The following CCNE1 variants were observed in gnomAD, a reference collection of about 807,000 sequenced individuals.
CCNE1 encodes the protein cyclin E1.
CCNE1 carries 8 observed loss-of-function variants against 54.1 expected under a neutral mutation model. The observed-to-expected ratio is 0.15, with a 90% CI of 0.09 to 0.27. CCNE1 has a LOEUF of 0.27. Ranked by LOEUF, CCNE1 falls within the 10% of genes least tolerant of loss-of-function variation. The pLI, the probability that CCNE1 is intolerant of heterozygous loss-of-function variation, is 1.00. For missense variants in CCNE1, 430 were observed against 514.9 expected (o/e 0.84, Z 1.60); for synonymous variants, 179 against 185.2 (o/e 0.97, Z 0.27).
chr19:29,816,655 T>C (rs2145720826), intron 4 of CCNE1, among the ~76,000 whole-genome samples: 1 of 152,376 alleles, frequency 6.6e-6, no homozygotes, highest in South Asian at 2.1e-4. Flanking sequence ...GTTTTTGTTT[T>C]AAACTGAGGG....
chr19:29,823,189 C>CAG (rs1161362641), intron 11 of CCNE1, among the ~76,000 whole-genome samples: 3 of 152,060 alleles, frequency 2.0e-5, no homozygotes, highest in Non-Finnish European at 2.9e-5. Flanking sequence ...GGCAGAAGGA[C>CAG]TGCTTAAGCT....
chr19:29,816,249 A>G lies in CCNE1; in HGVS notation c.181-888A>G, dbSNP rs538255840. On this transcript the variant is annotated intron_variant, in intron 4 of 11. Transcript: ENST00000262643. The stretch of plus-strand genomic sequence containing the variant: ...GCCTAATATCTTTAGCAAAGTTACT[A>G]TTTTATAACTTTAAAAATCAAACAG... Among the ~76,000 whole-genome samples, 25 of 152,106 alleles carry G rather than the reference A, an allele frequency of 1.6e-4. 1 individual carries two copies. The South Asian group carries it at 5.2e-3, about 32-fold the overall frequency.
In CCNE1 at chr19:29,816,029, G is replaced by A. The variant is rs75893742; in HGVS notation, c.181-1108G>A. On this transcript the variant is annotated intron_variant, in intron 4 of 11. Transcript: ENST00000262643. The stretch of plus-strand genomic sequence containing the variant: ...AAATTAGCTGGGTGTGCTCGTGCAT[G>A]CCTGTAGTCCTAGCTGCTCAGGAGG... Among the ~76,000 whole-genome samples the A allele has an allele frequency of 5.1e-3, 778 of 151,952 alleles. 10 individuals are homozygous for A. Among genetic ancestry groups the A allele is most frequent in the African/African-American group, 0.018 (746 of 41,430 alleles).
Position 29,823,757 on chromosome 19 carries a change from A to T in CCNE1, c.1213A>T (p.Ser405Cys). Residue 405 changes from serine (S) to cysteine (C), a missense_variant, in exon 12 of 12, where the codon AGC becomes TGC. This residue lies in a region of CCNE1 where 303 missense variants were observed against 401.1 expected (regional missense o/e 0.76). Coordinates refer to ENST00000262643, the MANE Select transcript of CCNE1 (RefSeq NM_001238.4). ...TPPQSGKKQSSGPEMA is the reference protein window; with the variant it reads ...TPPQSGKKQSCGPEMA ...GCCACAGAGCGGTAAGAAGCAGAGC[A>T]GCGGGCCGGAAATGGCGTGACCACC... is the stretch of plus-strand genomic sequence containing the variant. The T allele has an allele frequency of 6.2e-7, 1 of 1,613,654 alleles. No homozygotes were observed. The highest frequency in any genetic ancestry group is 8.5e-7 in the Non-Finnish European group (1 of 1,179,788).
intron 6 of CCNE1, among the ~76,000 whole-genome samples, chr19:29,818,058 GCT>G (rs1203141269): frequency 2.4e-5 from 3 of 125,254 alleles, no homozygotes; most frequent in African/African-American, 9.4e-5. Context: ...ACGGAGTCTT[GCT>G]CTGTCACCCA....
intron 4 of CCNE1, among the ~76,000 whole-genome samples, chr19:29,816,139 G>C (rs1974010896): frequency 6.8e-6 from 1 of 146,272 alleles, no homozygotes; most frequent in African/African-American, 2.6e-5. Flanking sequence ...CTGGGGAACA[G>C]AGGGAGACCC....
intron 3 of CCNE1, 38 bp from the exon 4 acceptor site, chr19:29,812,929 GGT>G (rs1973928983): frequency 6.2e-7 from 1 of 1,610,898 alleles, no homozygotes; most frequent in Non-Finnish European, 8.5e-7. Context: ...TGTCTTGTTT[GGT>G]GTGTTTCCTT....
intron 7 of CCNE1, among the ~76,000 whole-genome samples, chr19:29,821,318 C>T (rs551870652): frequency 6.6e-6 from 1 of 152,162 alleles, no homozygotes; most frequent in Non-Finnish European, 1.5e-5. Context: ...GCCCAGGTGG[C>T]CGAGGTTGCA....
At chr19:29,815,720 C>T (rs974288757) in intron 4 of CCNE1, among the ~76,000 whole-genome samples, 4 of 151,494 alleles carry the variant, frequency 2.6e-5, no homozygotes, top group African/African-American at 7.3e-5. Context: ...CCTCCGCCTC[C>T]CAGGTTCAAG....
rs1399541403 is a variant in CCNE1 at position 29,812,678 on chromosome 19, C to G, written c.24-11C>G. Reference sequence around the variant, plus strand: ...GGTGCTCACCCGGCCCGGTGCCACCCGGGTCCACAGGGATGCGAAGGAGCG... The same window carrying G: ...GGTGCTCACCCGGCCCGGTGCCACCGGGGTCCACAGGGATGCGAAGGAGCG... On this transcript the variant is annotated splice_polypyrimidine_tract_variant and intron_variant, in intron 2 of 11. Coordinates refer to ENST00000262643, the MANE Select transcript of CCNE1 (RefSeq NM_001238.4). The G allele has an allele frequency of 6.3e-7, 1 of 1,579,550 alleles. No homozygotes were observed. Among genetic ancestry groups the G allele is most frequent in the East Asian group, 2.3e-5 (1 of 43,730 alleles).
intron 4 of CCNE1, among the ~76,000 whole-genome samples, chr19:29,815,837 C>T (rs544697623): frequency 6.7e-6 from 1 of 150,326 alleles, no homozygotes; most frequent in South Asian, 2.1e-4. Context: ...CCAGGTTGGC[C>T]AGGCTGGTGG....
At chr19:29,815,946 G>A (rs1974005258) in intron 4 of CCNE1, among the ~76,000 whole-genome samples, 1 of 151,680 alleles carries the variant, frequency 6.6e-6, no homozygotes, top group South Asian at 2.1e-4. Context: ...CTTGAGTCCA[G>A]GAGTTCGAGA....
intron 6 of CCNE1, among the ~76,000 whole-genome samples, chr19:29,817,881 G>C (rs1379939038): frequency 3.2e-5 from 2 of 62,942 alleles, no homozygotes; most frequent in Non-Finnish European, 2.8e-5. Flanking sequence ...TTTTTTTTGA[G>C]ATGGAGTCTT....
At chr19:29,818,685 T>C (rs1974082382) in intron 6 of CCNE1, among the ~76,000 whole-genome samples, 2 of 152,122 alleles carry the variant, frequency 1.3e-5, no homozygotes, top group African/African-American at 2.4e-5. Flanking sequence ...ATCCCAGCAC[T>C]TTGGAAGGCC....
chr19:29,822,720 G>A (rs969048380), intron 11 of CCNE1, 117 bp downstream of exon 11: 12 of 950,298 alleles, frequency 1.3e-5, no homozygotes, highest in East Asian at 4.9e-5. Context: ...GAGGTGGGCC[G>A]ATCACTTGAG....
At chr19:29,822,696 C>G (rs3218070) in intron 11 of CCNE1, 93 bp downstream of exon 11, 472,301 of 1,323,612 alleles carry the variant, frequency 0.36, 90,976 homozygotes, top group Non-Finnish European at 0.4. Flanking sequence ...GTAAACCCAG[C>G]ACTTTGGGAG....
At position 29,820,710 on chromosome 19, in the gene CCNE1, A is replaced by G. The variant is rs758040644; in HGVS notation, c.471A>G (p.Glu157=). 4 of 1,609,568 alleles carry G rather than the reference A, an allele frequency of 2.5e-6. No individual in the cohort carries two copies. In the South Asian group the frequency reaches 4.4e-5, roughly 18 times the overall value. The change falls in exon 7 of 12, where the codon GAA becomes GAG. Residue 157 remains glutamate, a synonymous_variant. Transcript: ENST00000262643. ...ILLDWLMEVC[E]VYKLHRETFY... ...ACTAAATATGTTTTCAGGTGTGTGA[A>G]GTCTATAAACTTCACAGGGAGACCT...
rs73535941 is a variant in CCNE1 at position 29,820,557 on chromosome 19, A to C, written c.463-145A>C. ...CAGAATAAGGCACCTCAAAAAAAAA[A>C]CAAAAAAACAAAAAACTATCAATTG... On this transcript the variant is annotated intron_variant, in intron 6 of 11. Coordinates refer to ENST00000262643, the MANE Select transcript of CCNE1 (RefSeq NM_001238.4). 5,824 of 638,782 alleles carry C rather than the reference A, an allele frequency of 9.1e-3. 259 individuals are homozygous for C. The African/African-American group carries it at 0.093, about 10-fold the overall frequency. The allele number at this position is 638,782 out of a possible 1,614,324, so 39.6% of individuals were successfully genotyped here.
intron 4 of CCNE1, among the ~76,000 whole-genome samples, chr19:29,813,498 C>T (rs1973942292): frequency 1.3e-5 from 2 of 152,118 alleles, no homozygotes; most frequent in African/African-American, 4.8e-5. Context: ...TTTTTCTTGT[C>T]ATGGTGTTTA....
Sources: gnomAD v4.1 joint callset for allele counts (sites outside exome capture counted in the v4.1 genomes callset) on GRCh38, gnomAD v4.1.1 for gene constraint, gnomAD v4.1.1 regional missense constraint, MANE v1.5 for transcripts, NCBI Gene and HGNC (gene_info 2026-07-23, HGNC 2026-07-21) for gene names.